The following NUCB2 variants were observed in gnomAD, a reference collection of about 807,000 sequenced individuals.
NUCB2 encodes nucleobindin 2.
NUCB2 carries 48 observed loss-of-function variants against 57.9 expected under a neutral mutation model. That is an observed-to-expected ratio of 0.83 (90% CI 0.66 to 1.05). The LOEUF is 1.05. Ranked by LOEUF, NUCB2 falls within the 50% of genes least tolerant of loss-of-function variation. NUCB2 has a pLI of 0.00. For missense variants in NUCB2, 442 were observed against 476.2 expected, an observed-to-expected ratio of 0.93 and a Z score of 0.67; for synonymous variants, 139 against 152.1, an observed-to-expected ratio of 0.91 and a Z score of 0.64.
chr11:17,290,211 G>C (rs1357002696), intron 2 of NUCB2, among the ~76,000 whole-genome samples: 1 of 152,148 alleles, frequency 6.6e-6, no homozygotes, highest in East Asian at 1.9e-4. Flanking sequence ...CAGCTGCTTT[G>C]TTTCTGTGCT....
chr11:17,311,522 C>G (rs1353460497), intron 8 of NUCB2, among the ~76,000 whole-genome samples: 1 of 152,080 alleles, frequency 6.6e-6, no homozygotes, highest in African/African-American at 2.4e-5. Flanking sequence ...CTGCAAAGTT[C>G]TCTGTTAAGT....
downstream of NUCB2, chr11:17,332,883 A>AT (rs916680174): frequency 1.4e-4 from 21 of 150,778 alleles, no homozygotes; most frequent in South Asian, 4.2e-4. Flanking sequence ...CTGGCTAAAC[A>AT]TTTTTTTTTG....
intron 11 of NUCB2, among the ~76,000 whole-genome samples, chr11:17,329,598 C>T (rs1360715915): frequency 2.6e-5 from 4 of 152,192 alleles, no homozygotes; most frequent in African/African-American, 7.2e-5. Context: ...GTCCCCCAGT[C>T]GCTATGCTCC....
In NUCB2 at chr11:17,285,256, T is replaced by C. The variant is rs1053026030; in HGVS notation, c.-1+2313T>C. 9.3e-4 allele frequency among the ~76,000 whole-genome samples: 141 copies of C among 151,168 alleles called. No homozygotes were observed. The Middle Eastern group carries it at 0.014, about 15-fold the overall frequency. On this transcript the variant is annotated intron_variant, in intron 2 of 13. Coordinates refer to ENST00000529010, the MANE Select transcript of NUCB2 (RefSeq NM_005013.4). ...TCCTGGCTAACATGGTGAAACCCCG[T>C]CTCTACTAAAAACATACAAAAAAAT...
chr11:17,332,448 T>A (rs1474705101), downstream of NUCB2: 1 of 151,088 alleles, frequency 6.6e-6, no homozygotes, highest in Non-Finnish European at 1.5e-5. Flanking sequence ...ACTTTGGATT[T>A]TAAACTCAGC....
At chr11:17,329,853 T>C (rs1026039942) in intron 11 of NUCB2, among the ~76,000 whole-genome samples, 3 of 152,220 alleles carry the variant, frequency 2.0e-5, no homozygotes, top group African/African-American at 7.2e-5. Context: ...TTTATTTCTC[T>C]TCCCACGTTC....
chr11:17,322,965 A>C (rs1950210011), intron 11 of NUCB2, among the ~76,000 whole-genome samples: 1 of 151,894 alleles, frequency 6.6e-6, no homozygotes, highest in East Asian at 1.9e-4. Context: ...CGGTTCTAAT[A>C]GTTTTTTTTT....
At chr11:17,334,335 G>C (rs1477212787), downstream of NUCB2, 1 of 152,274 alleles carries the variant, frequency 6.6e-6, no homozygotes, top group African/African-American at 2.4e-5. Context: ...CAATCAAGAA[G>C]CTGCCTGCTG....
chr11:17,329,688 C>T (rs1347353149), intron 11 of NUCB2, among the ~76,000 whole-genome samples: 1 of 152,240 alleles, frequency 6.6e-6, no homozygotes, highest in African/African-American at 2.4e-5. Flanking sequence ...TGATTCAAGA[C>T]TGTCTCTTTT....
chr11:17,280,955 G>C (rs1294403452), intron 1 of NUCB2, among the ~76,000 whole-genome samples: 3 of 152,110 alleles, frequency 2.0e-5, no homozygotes, highest in Non-Finnish European at 4.4e-5. Context: ...GCGGAAGGAT[G>C]GCTTGAGCCT....
intron 4 of NUCB2, 42 bp from the exon 5 acceptor site, chr11:17,301,702 G>A (rs750021113): frequency 2.7e-6 from 4 of 1,504,310 alleles, no homozygotes; most frequent in South Asian, 1.2e-5. Flanking sequence ...GTCTAAAAAT[G>A]GAATGTAATA....
chr11:17,341,677 T>A (rs898032927), intron 2 of NUCB2, among the ~76,000 whole-genome samples: 2 of 152,208 alleles, frequency 1.3e-5, no homozygotes, highest in Non-Finnish European at 2.9e-5. Context: ...CACCTTATCA[T>A]GGTGGATAAG....
intron 4 of NUCB2, among the ~76,000 whole-genome samples, 164 bp downstream of exon 4, chr11:17,296,375 G>A (rs916063560): frequency 5.3e-5 from 8 of 152,118 alleles, no homozygotes; most frequent in Admixed American, 2.0e-4. Context: ...GTGCCACCAT[G>A]CTTGGCTTAA....
chr11:17,333,126 A>G (rs1951544754), downstream of NUCB2: 2 of 152,242 alleles, frequency 1.3e-5, no homozygotes, highest in South Asian at 2.1e-4. Context: ...GCTATAGTTC[A>G]TGAATATATT....
At chr11:17,338,319 G>A (rs373819539) in intron 2 of NUCB2, among the ~76,000 whole-genome samples, 69 of 152,076 alleles carry the variant, frequency 4.5e-4, no homozygotes, top group Middle Eastern at 3.4e-3. Context: ...TTTAATTGAT[G>A]TCAGCCATGC....
chr11:17,331,189 A>G, intron 13 of NUCB2: 1 of 540,628 alleles, frequency 1.8e-6, no homozygotes, highest in Non-Finnish European at 3.2e-6. Context: ...GTGCTGTATC[A>G]TTTGTATAAT....
chr11:17,334,857 G>T (rs1339862467), downstream of NUCB2, among the ~76,000 whole-genome samples: 1 of 147,508 alleles, frequency 6.8e-6, no homozygotes, highest in Non-Finnish European at 1.5e-5. Context: ...CTGCAATCCA[G>T]CCTGAGCCAC....
rs367576293 is a variant in NUCB2 at position 17,311,027 on chromosome 11, T to C, written c.669+17T>C. On this transcript the variant is annotated intron_variant, in intron 7 of 13. Coordinates refer to ENST00000529010, the MANE Select transcript of NUCB2 (RefSeq NM_005013.4). Reference sequence around the variant, plus strand: ...AATCACCCAGTAAGGATTGTGACTTTATGAAACCATTTTTAGATAAAGATA... The same window carrying C: ...AATCACCCAGTAAGGATTGTGACTTCATGAAACCATTTTTAGATAAAGATA... The C allele has an allele frequency of 6.4e-7, 1 of 1,550,538 alleles. No homozygotes were observed.
chr11:17,315,785 C>T (rs1460500055), intron 11 of NUCB2, among the ~76,000 whole-genome samples: 2 of 151,962 alleles, frequency 1.3e-5, no homozygotes, highest in Non-Finnish European at 2.9e-5. Flanking sequence ...TAGAATTCAC[C>T]TATAATTTTA....
Sources: gnomAD v4.1 joint callset for allele counts (sites outside exome capture counted in the v4.1 genomes callset) on GRCh38, gnomAD v4.1.1 for gene constraint, MANE v1.5 for transcripts, NCBI Gene and HGNC (gene_info 2026-07-23, HGNC 2026-07-21) for gene names.